The following SLC67A1 variants were observed in gnomAD, a reference collection of about 807,000 sequenced individuals.
SLC67A1 encodes solute carrier family 67 member 1, also known as solute carrier family 67 member A1.
At chr11:2,906,017 C>T in the SLC67A1 span, among the ~76,000 whole-genome samples, 26 of 152,218 alleles carry the variant, frequency 1.7e-4, no homozygotes, top group East Asian at 9.6e-4. Context: ...CTTGGGTAGG[C>T]GAGGACAGGT....
At chr11:2,915,303 G>A in the SLC67A1 span, 1 of 846,954 alleles carries the variant, frequency 1.2e-6, no homozygotes, top group Non-Finnish European at 1.4e-6. Flanking sequence ...GTGTGCGCAT[G>A]TGGCTGCGGT....
the SLC67A1 span, among the ~76,000 whole-genome samples, chr11:2,912,965 C>G: frequency 3.3e-5 from 5 of 152,126 alleles, no homozygotes; most frequent in East Asian, 9.7e-4. Context: ...AAACAAGGAG[C>G]CAGGGGCACT....
the SLC67A1 span, among the ~76,000 whole-genome samples, chr11:2,918,305 C>G: frequency 2.3e-3 from 356 of 152,384 alleles, 1 homozygote; most frequent in African/African-American, 7.4e-3. Context: ...TGGGCCCCCA[C>G]GGGCAGAGGG....
chr11:2,903,567 G>C, the SLC67A1 span: 1 of 1,531,620 alleles, frequency 6.5e-7, no homozygotes, highest in African/African-American at 1.4e-5. Flanking sequence ...CTGGGCCGTC[G>C]CAGAGAGTGG....
the SLC67A1 span, among the ~76,000 whole-genome samples, chr11:2,914,238 G>A: frequency 2.0e-5 from 3 of 152,342 alleles, no homozygotes; most frequent in African/African-American, 7.2e-5. Flanking sequence ...TCCTGGTCGT[G>A]GCTCCACTGA....
At chr11:2,915,173 C>A in the SLC67A1 span, 1 of 985,400 alleles carries the variant, frequency 1.0e-6, no homozygotes, top group Non-Finnish European at 1.2e-6. Context: ...AATGCCCAGA[C>A]TCTCTGGACT....
the SLC67A1 span, chr11:2,914,770 G>GT: frequency 1.0e-6 from 1 of 985,440 alleles, no homozygotes; most frequent in Non-Finnish European, 1.2e-6. Flanking sequence ...AATAAGGCAG[G>GT]TTTTGCCCCT....
the SLC67A1 span, among the ~76,000 whole-genome samples, chr11:2,922,873 G>C: frequency 6.6e-6 from 1 of 152,184 alleles, no homozygotes; most frequent in African/African-American, 2.4e-5. Flanking sequence ...TGCCTGCCAG[G>C]CCTGGAGGCC....
chr11:2,907,085 T>C, the SLC67A1 span, among the ~76,000 whole-genome samples: 341 of 150,306 alleles, frequency 2.3e-3, 1 homozygote, highest in Non-Finnish European at 4.1e-3. This position sits in a 1 kb window ranked among gnomAD's most constrained non-coding sequence, Gnocchi z 6.7. Flanking sequence ...GAGTCTGGGG[T>C]TGGGGATGGG....
At chr11:2,909,606 G>A in the SLC67A1 span, 2 of 1,531,490 alleles carry the variant, frequency 1.3e-6, no homozygotes, top group Non-Finnish European at 1.7e-6. Context: ...CGGACCTGTC[G>A]GCACCCGAGG....
chr11:2,899,720 T>G, the SLC67A1 span: 1 of 1,452,106 alleles, frequency 6.9e-7, no homozygotes, highest in East Asian at 2.6e-5. Context: ...AGCCTGTTCA[T>G]GACAAAAAAA....
At chr11:2,916,699 G>A in the SLC67A1 span, 2 of 1,613,080 alleles carry the variant, frequency 1.2e-6, no homozygotes, top group Non-Finnish European at 1.7e-6. Context: ...ATCCCCGCCA[G>A]CACCAAAGGG....
At chr11:2,909,690 GACCCTGGTCTCCGCGTAC>G in the SLC67A1 span, 1 of 1,541,766 alleles carries the variant, frequency 6.5e-7, no homozygotes, top group Non-Finnish European at 8.7e-7. Flanking sequence ...TGCTGGGCGG[GACCCTGGTCTCCGCGTAC>G]GGGTGAGTGG....
At chr11:2,919,306 G>C in the SLC67A1 span, 2 of 1,612,794 alleles carry the variant, frequency 1.2e-6, no homozygotes, top group Non-Finnish European at 1.7e-6. Context: ...CCCCGGCTCA[G>C]GGCTCTTCAT....
the SLC67A1 span, among the ~76,000 whole-genome samples, chr11:2,906,504 T>C: frequency 1.1e-3 from 165 of 152,106 alleles, no homozygotes; most frequent in Non-Finnish European, 1.8e-3. Flanking sequence ...ATTAAGAAAA[T>C]GTGGCACATA....
the SLC67A1 span, chr11:2,909,681 G>A: frequency 6.5e-7 from 1 of 1,543,070 alleles, no homozygotes; most frequent in Non-Finnish European, 8.7e-7. Flanking sequence ...TCGGCTCCCT[G>A]CTGGGCGGGA....
chr11:2,915,353 T>G, the SLC67A1 span: 1 of 567,262 alleles, frequency 1.8e-6, no homozygotes, highest in Non-Finnish European at 2.2e-6. Context: ...AACTCCTTGG[T>G]GGGGACATGG....
At chr11:2,914,839 GGGCCCGTCTCTCTGGGGCT>G in the SLC67A1 span, 2 of 985,442 alleles carry the variant, frequency 2.0e-6, no homozygotes, top group Non-Finnish European at 1.2e-6. Flanking sequence ...CCCAAAGAAA[GGGCCCGTCTCTCTGGGGCT>G]GGCCACAGGG....
chr11:2,907,161 G>T, the SLC67A1 span, among the ~76,000 whole-genome samples: 2 of 151,698 alleles, frequency 1.3e-5, no homozygotes, highest in Non-Finnish European at 2.9e-5. The surrounding 1 kb of genome is among the most constrained non-coding windows in gnomAD (Gnocchi z 6.7). Flanking sequence ...AAGGGGGACA[G>T]TGGAAAGAAG....
Sources: allele counts gnomAD v4.1 joint callset (sites outside exome capture counted in the v4.1 genomes callset), GRCh38; gene constraint gnomAD v4.1.1; non-coding constraint Gnocchi (gnomAD v3.1); transcripts MANE v1.5; gene names NCBI Gene and HGNC (gene_info 2026-07-23, HGNC 2026-07-21).